RAP1GDS1: variants seen among roughly 807,000 people sequenced by gnomAD.
RAP1GDS1 encodes the protein RAP1, GTP-GDP dissociation stimulator 1.
In RAP1GDS1, 35 loss-of-function variants were observed where a neutral mutation model predicts 71.1. The observed-to-expected ratio is 0.49, with a 90% confidence interval of 0.38 to 0.65. The LOEUF is 0.65. Among genes scored for constraint, RAP1GDS1 ranks in the 30% least tolerant of loss-of-function variants. The probability of loss-of-function intolerance (pLI) is 0.00; values close to 1 mark genes in which losing one functional copy is unlikely to be tolerated. For missense variants in RAP1GDS1, 663 were observed against 706.1 expected, an observed-to-expected ratio of 0.94 and a Z score of 0.69; for synonymous variants, 229 against 243.1, an observed-to-expected ratio of 0.94 and a Z score of 0.54.
At chr4:98,431,743 A>G (rs1446812286) in intron 12 of RAP1GDS1, among the ~76,000 whole-genome samples, 3 of 152,226 alleles carry the variant, frequency 2.0e-5, no homozygotes, top group African/African-American at 7.2e-5. Flanking sequence ...GCTAATATCT[A>G]TAAGCTACTC....
chr4:98,366,321 C>T (rs1432953785), intron 4 of RAP1GDS1, among the ~76,000 whole-genome samples: 2 of 152,142 alleles, frequency 1.3e-5, no homozygotes, highest in East Asian at 3.9e-4. Flanking sequence ...ACTTGCTTCT[C>T]CTTGCCTTTG....
In RAP1GDS1 at chr4:98,404,608, A is replaced by C. The variant is rs2110155027; in HGVS notation, c.763+6A>C. On this transcript the variant is annotated splice_donor_region_variant and intron_variant, in intron 7 of 14. Coordinates refer to ENST00000408927, the MANE Select transcript of RAP1GDS1 (RefSeq NM_001100427.2). ...TGCTCCATTGGCAGAAAATGGTGAG[A>C]AACTTAAATGCACCTTTGGATTTTT... 6.3e-7 allele frequency: 1 copy of C among 1,598,146 alleles called. No homozygotes were observed. Among genetic ancestry groups the C allele is most frequent in the Middle Eastern group, 1.7e-4 (1 of 5,990 alleles).
intron 8 of RAP1GDS1, 134 bp downstream of exon 8, chr4:98,417,022 C>A: frequency 1.0e-6 from 1 of 1,004,756 alleles, no homozygotes; most frequent in Non-Finnish European, 1.5e-6. Flanking sequence ...ATGATTTTGA[C>A]ATCTTAAACA....
chr4:98,336,140 C>T (rs184995030), intron 2 of RAP1GDS1, among the ~76,000 whole-genome samples: 6 of 152,178 alleles, frequency 3.9e-5, no homozygotes, highest in Admixed American at 3.3e-4. Flanking sequence ...TCCTCATTCT[C>T]TTAGTCTGCA....
intron 10 of RAP1GDS1, 81 bp downstream of exon 10, chr4:98,418,872 G>A (rs749187190): frequency 3.8e-6 from 5 of 1,327,722 alleles, no homozygotes; most frequent in Non-Finnish European, 4.9e-6. Flanking sequence ...TGTGATTTGT[G>A]AACCTGCTCT....
At chr4:98,433,332 G>T (rs1487350150) in intron 12 of RAP1GDS1, among the ~76,000 whole-genome samples, 1 of 151,680 alleles carries the variant, frequency 6.6e-6, no homozygotes, top group African/African-American at 2.4e-5. Context: ...TTCTCACTCT[G>T]TCACCCAGGC....
chr4:98,317,287 G>A (rs1274515782), intron 2 of RAP1GDS1, among the ~76,000 whole-genome samples: 2 of 152,054 alleles, frequency 1.3e-5, no homozygotes, highest in South Asian at 2.1e-4. Flanking sequence ...TAGGTATTAG[G>A]GAGATCTAAG....
Position 98,442,976 on chromosome 4 carries a change from T to G in RAP1GDS1, c.*859T>G. ...AAATTCATTTGGCGCTTGTTTGTTT[T>G]CAACTGAGGAAATTGAGTATAGTTC... On this transcript the variant is annotated 3_prime_UTR_variant, in exon 15 of 15. Transcript: ENST00000408927. The G allele has an allele frequency of 4.4e-6, 1 of 227,104 alleles. No homozygotes were observed. The highest frequency in any genetic ancestry group is 6.3e-5 in the East Asian group (1 of 15,942). 14.1% of individuals were successfully genotyped at this position (227,104 alleles called of 1,614,324 possible).
At chr4:98,331,270 G>A (rs1292223542) in intron 2 of RAP1GDS1, among the ~76,000 whole-genome samples, 2 of 151,966 alleles carry the variant, frequency 1.3e-5, no homozygotes, top group Non-Finnish European at 2.9e-5. Flanking sequence ...CGGCAACAGA[G>A]GGAGACCATG....
At chr4:98,389,105 T>C (rs1743217835) in intron 5 of RAP1GDS1, among the ~76,000 whole-genome samples, 1 of 149,808 alleles carries the variant, frequency 6.7e-6, no homozygotes, top group Non-Finnish European at 1.5e-5. Context: ...TTACCTACCA[T>C]TGCTTTCGTA....
At chr4:98,298,649 C>T (rs1728133250) in intron 2 of RAP1GDS1, among the ~76,000 whole-genome samples, 1 of 152,198 alleles carries the variant, frequency 6.6e-6, no homozygotes, top group Non-Finnish European at 1.5e-5. Flanking sequence ...CAAAATATTA[C>T]TGCTCATTGA....
At chr4:98,261,604 AT>A (rs1181723532) in intron 1 of RAP1GDS1, 35 bp downstream of exon 1, 12 of 1,592,138 alleles carry the variant, frequency 7.5e-6, no homozygotes, top group East Asian at 2.3e-5. Context: ...ATCGCCTGAC[AT>A]TTTTTTCTTT....
At chr4:98,309,229 A>G (rs1299331347) in intron 2 of RAP1GDS1, among the ~76,000 whole-genome samples, 1 of 151,970 alleles carries the variant, frequency 6.6e-6, no homozygotes, top group African/African-American at 2.4e-5. Context: ...GCCCTAGAGG[A>G]AAAGAGAAAC....
At chr4:98,379,231 A>G in intron 5 of RAP1GDS1, 68 bp downstream of exon 5, 1 of 1,304,500 alleles carries the variant, frequency 7.7e-7, no homozygotes, top group Non-Finnish European at 1.0e-6. Flanking sequence ...CTATAGTGCA[A>G]AACAAAAATA....
intron 1 of RAP1GDS1, among the ~76,000 whole-genome samples, chr4:98,279,136 A>G (rs1035084026): frequency 2.0e-5 from 3 of 152,212 alleles, no homozygotes; most frequent in East Asian, 1.9e-4. Context: ...AGGCAGGAGA[A>G]TGGCATGTAC....
intron 2 of RAP1GDS1, among the ~76,000 whole-genome samples, chr4:98,329,810 A>G (rs999765742): frequency 6.7e-6 from 1 of 150,148 alleles, no homozygotes; most frequent in African/African-American, 2.5e-5. Flanking sequence ...AAAAAAAAAA[A>G]AGTGCCCATT....
chr4:98,269,173 C>CAAAAA (rs56015226), intron 1 of RAP1GDS1, among the ~76,000 whole-genome samples: 14 of 56,874 alleles, frequency 2.5e-4, no homozygotes, highest in East Asian at 5.5e-4. Context: ...AATTGATCTT[C>CAAAAA]AAAAAAAAAA....
intron 6 of RAP1GDS1, 38 bp from the exon 7 acceptor site, chr4:98,404,439 A>G: frequency 1.9e-6 from 3 of 1,539,144 alleles, no homozygotes; most frequent in Non-Finnish European, 1.7e-6. Flanking sequence ...CAGTTTCTGG[A>G]CTTTATTTGG....
chr4:98,318,257 A>G (rs1731236687), intron 2 of RAP1GDS1, among the ~76,000 whole-genome samples: 1 of 152,204 alleles, frequency 6.6e-6, no homozygotes, highest in South Asian at 2.1e-4. Context: ...AAAAGGATAG[A>G]GTACAGAGAT....
Sources: gnomAD v4.1 joint callset for allele counts (sites outside exome capture counted in the v4.1 genomes callset) on GRCh38, gnomAD v4.1.1 for gene constraint, MANE v1.5 for transcripts, NCBI Gene and HGNC (gene_info 2026-07-23, HGNC 2026-07-21) for gene names.